The following PBX3 variants were observed in gnomAD, a reference collection of about 807,000 sequenced individuals.
The protein encoded by PBX3 is pre-B-cell leukemia transcription factor 3.
A neutral mutation model predicts 48.5 loss-of-function variants in PBX3; 14 were observed. The observed-to-expected ratio is 0.29, with a 90% CI of 0.19 to 0.45. PBX3 has a LOEUF of 0.45. PBX3 is among the 20% of genes least tolerant of loss of function. PBX3 has a pLI of 1.00. For synonymous variants in PBX3, 210 were observed against 200.3 expected (o/e 1.05, Z -0.41); for missense variants, 386 against 546.7 (o/e 0.71, Z 2.93).
intron 5 of PBX3, among the ~76,000 whole-genome samples, chr9:125,959,656 G>GT (rs1842385627): frequency 6.6e-6 from 1 of 152,186 alleles, no homozygotes; most frequent in African/African-American, 2.4e-5. Flanking sequence ...GGGCCCCTAT[G>GT]AATAGCTGTT....
intron 2 of PBX3, among the ~76,000 whole-genome samples, chr9:125,898,449 G>GGA (rs1554725700): frequency 2.8e-5 from 4 of 144,940 alleles, no homozygotes; most frequent in South Asian, 2.2e-4. Flanking sequence ...CCCATCTTCT[G>GGA]AAAAAAAAAA....
chr9:125,748,921 C>T (rs1383326539), intron 2 of PBX3: 1 of 280,358 alleles, frequency 3.6e-6, no homozygotes, highest in African/African-American at 2.1e-5. Flanking sequence ...TCTTCCCTCT[C>T]CTTTCGCCTT....
intron 2 of PBX3, among the ~76,000 whole-genome samples, chr9:125,762,569 T>C (rs1459844484): frequency 1.3e-5 from 2 of 152,186 alleles, no homozygotes; most frequent in Admixed American, 6.5e-5. Flanking sequence ...GAATGATGAA[T>C]TGAAAGCAGA....
intron 2 of PBX3, among the ~76,000 whole-genome samples, chr9:125,806,016 A>G (rs1038409130): frequency 6.6e-6 from 1 of 152,154 alleles, no homozygotes; most frequent in African/African-American, 2.4e-5. Context: ...ATCCATCTCT[A>G]TATCTGTGTA....
intron 2 of PBX3, among the ~76,000 whole-genome samples, chr9:125,891,252 A>C (rs773540508): frequency 6.6e-6 from 1 of 152,222 alleles, no homozygotes; most frequent in African/African-American, 2.4e-5. Context: ...CATATAATAC[A>C]TATTTTAGAA....
At chr9:125,904,707 G>C (rs1424597471) in intron 2 of PBX3, among the ~76,000 whole-genome samples, 2 of 151,878 alleles carry the variant, frequency 1.3e-5, no homozygotes, top group Admixed American at 1.3e-4. Flanking sequence ...TGGAGAGGCA[G>C]CACACCACTG....
At chr9:125,761,641 C>G (rs1836670453) in intron 2 of PBX3, among the ~76,000 whole-genome samples, 1 of 152,082 alleles carries the variant, frequency 6.6e-6, no homozygotes, top group Non-Finnish European at 1.5e-5. Context: ...AAAACAATAA[C>G]ACAAAACCCC....
intron 2 of PBX3, among the ~76,000 whole-genome samples, chr9:125,857,433 T>G (rs1839751731): frequency 6.6e-6 from 1 of 152,168 alleles, no homozygotes; most frequent in African/African-American, 2.4e-5. Flanking sequence ...AGGATGCAGA[T>G]AAGTCCCTTC....
At chr9:125,793,366 A>T (rs866063214) in intron 2 of PBX3, among the ~76,000 whole-genome samples, 1,819 of 101,558 alleles carry the variant, frequency 0.018, 54 homozygotes, top group African/African-American at 0.053. Context: ...GGAAAAAAAA[A>T]ATATATATAT....
At chr9:125,898,459 A>T (rs905807358) in intron 2 of PBX3, among the ~76,000 whole-genome samples, 16 of 151,136 alleles carry the variant, frequency 1.1e-4, no homozygotes, top group Non-Finnish European at 2.4e-4. Context: ...GAAAAAAAAA[A>T]ATAAAAAAAA....
intron 2 of PBX3, among the ~76,000 whole-genome samples, chr9:125,878,526 T>C (rs1161049331): frequency 1.3e-5 from 2 of 152,122 alleles, no homozygotes; most frequent in Non-Finnish European, 2.9e-5. Flanking sequence ...CTGCAGGAGG[T>C]AGCCAGCCTC....
chr9:125,748,539 T>G lies in PBX3; in HGVS notation c.201-11T>G, dbSNP rs564963226. On this transcript the variant is annotated splice_polypyrimidine_tract_variant and intron_variant, in intron 1 of 8. Coordinates refer to ENST00000373489, the MANE Select transcript of PBX3 (RefSeq NM_006195.6). ...TGCTAATACCTTTGTGTTTCGTTAT[T>G]TGTTTTTTAGGAAACATGCCCTGAA... The G allele has an allele frequency of 6.2e-7, 1 of 1,613,354 alleles. No individual in the cohort carries two copies. Among genetic ancestry groups the G allele is most frequent in the African/African-American group, 1.3e-5 (1 of 75,036 alleles).
chr9:125,965,736 C>T, intron 8 of PBX3, 95 bp from the exon 9 acceptor site: 1 of 876,432 alleles, frequency 1.1e-6, no homozygotes, highest in South Asian at 1.5e-5. Flanking sequence ...TTTGCTAATG[C>T]ATCTCTGCTC....
Position 125,864,925 on chromosome 9 carries a change from A to G in PBX3, c.275-50761A>G, listed in dbSNP as rs373422102. On this transcript the variant is annotated intron_variant, in intron 2 of 8. Transcript: ENST00000373489. ...TCTGGTATAAACATCTTGTTTAGAA[A>G]TGGGAAAATTGAGTCTCAGAGAAAT... Among the ~76,000 whole-genome samples, 7 of 152,360 alleles carry G rather than the reference A, an allele frequency of 4.6e-5. No homozygotes were observed. In the South Asian group the frequency reaches 1.4e-3, roughly 32 times the overall value.
At chr9:125,847,191 C>G (rs768315960) in intron 2 of PBX3, among the ~76,000 whole-genome samples, 1 of 151,858 alleles carries the variant, frequency 6.6e-6, no homozygotes, top group Non-Finnish European at 1.5e-5. Context: ...TATTGGTGAT[C>G]AATGCTTACA....
chr9:125,791,297 G>GTCTA (rs1244054851), intron 2 of PBX3, among the ~76,000 whole-genome samples: 3,288 of 127,872 alleles, frequency 0.026, 48 homozygotes, highest in Middle Eastern at 0.04. Context: ...CTGTCTGTCT[G>GTCTA]TCTGTCTATC....
rs545814977 is a variant in PBX3 at position 125,760,206 on chromosome 9, A to G, written c.274+11583A>G. Among the ~76,000 whole-genome samples the G allele has an allele frequency of 2.2e-3, 330 of 152,348 alleles. 1 individual carries two copies. The highest frequency in any genetic ancestry group is 7.6e-3 in the African/African-American group (314 of 41,586). Reference sequence around the variant, plus strand: ...GCTGAAAGTTTACTTTCTATTTTAAAGTTCATCTCAACATTTTTCTCTTAA... The same window carrying G: ...GCTGAAAGTTTACTTTCTATTTTAAGGTTCATCTCAACATTTTTCTCTTAA... On this transcript the variant is annotated intron_variant, in intron 2 of 8. Transcript: ENST00000373489.
At chr9:125,871,687 T>C (rs1471609997) in intron 2 of PBX3, among the ~76,000 whole-genome samples, 1 of 152,232 alleles carries the variant, frequency 6.6e-6, no homozygotes, top group Non-Finnish European at 1.5e-5. Context: ...GTATTGATTA[T>C]AGGTTACAAT....
intron 2 of PBX3, chr9:125,749,460 T>G (rs1002596686): frequency 6.6e-6 from 1 of 152,166 alleles, no homozygotes; most frequent in African/African-American, 2.4e-5. Flanking sequence ...AAGCAGAGAT[T>G]TGGATGTTTT....
Sources: gnomAD v4.1 joint callset for allele counts (sites outside exome capture counted in the v4.1 genomes callset) on GRCh38, gnomAD v4.1.1 for gene constraint, MANE v1.5 for transcripts, NCBI Gene and HGNC (gene_info 2026-07-23, HGNC 2026-07-21) for gene names.